The following ARAP2 variants were observed in gnomAD, a reference collection of about 807,000 sequenced individuals.
ARAP2 encodes the protein ArfGAP with RhoGAP domain, ankyrin repeat and PH domain 2, also known as arf-GAP with Rho-GAP domain, ANK repeat and PH domain-containing protein 2.
Under a neutral mutation model 194.5 loss-of-function variants are expected in ARAP2, and 148 were observed. The ratio of observed to expected loss-of-function variants is 0.76; its 90% confidence interval spans 0.67 to 0.87. ARAP2 has a LOEUF of 0.87. ARAP2 is among the 40% of genes least tolerant of loss of function. ARAP2 has a pLI of 0.00. For missense variants in ARAP2, 2,128 were observed against 1,989.7 expected (o/e 1.07, Z -1.32); for synonymous variants, 695 against 683.5 (o/e 1.02, Z -0.26).
chr4:36,065,422 T>A, downstream of ARAP2: 1 of 494,434 alleles, frequency 2.0e-6, no homozygotes, highest in Admixed American at 2.1e-5. Flanking sequence ...AAAAGAGCTC[T>A]GCATGCCACC....
intron 22 of ARAP2, among the ~76,000 whole-genome samples, chr4:36,123,849 C>G (rs1244839680): frequency 6.6e-6 from 1 of 151,482 alleles, no homozygotes; most frequent in African/African-American, 2.4e-5. Flanking sequence ...CAGACATTAT[C>G]CTTCACTCAT....
At chr4:36,138,139 C>A (rs774679247) in intron 19 of ARAP2, among the ~76,000 whole-genome samples, 2 of 151,658 alleles carry the variant, frequency 1.3e-5, no homozygotes, top group African/African-American at 2.4e-5. Context: ...TCAAAGAAGA[C>A]CCTACTTCTC....
At position 36,103,572 on chromosome 4, in the gene ARAP2, A is replaced by G. The variant is rs73806452; in HGVS notation, c.4285+3993T>C. 5.7e-3 allele frequency among the ~76,000 whole-genome samples: 866 copies of G among 151,892 alleles called. 9 individuals carry two copies. The highest frequency in any genetic ancestry group is 0.02 in the African/African-American group (819 of 41,518). On this transcript the variant is annotated intron_variant, in intron 27 of 32. Coordinates refer to ENST00000303965, the MANE Select transcript of ARAP2 (RefSeq NM_015230.4). ...TAATAGTTCAGTCATAATATATGGAATAGAAAAAAATTGAGGACTATTACC... is the reference window on the plus strand; with the variant it reads ...TAATAGTTCAGTCATAATATATGGAGTAGAAAAAAATTGAGGACTATTACC...
chr4:36,224,362 T>A (rs1252756026), intron 2 of ARAP2, among the ~76,000 whole-genome samples: 1 of 150,954 alleles, frequency 6.6e-6, no homozygotes, highest in African/African-American at 2.4e-5. Flanking sequence ...TTTCATAATA[T>A]CTAACTAAAA....
At chr4:36,162,236 C>T (rs1442815187) in intron 11 of ARAP2, among the ~76,000 whole-genome samples, 1 of 151,826 alleles carries the variant, frequency 6.6e-6, no homozygotes, top group African/African-American at 2.4e-5. Context: ...CCACTGAAAA[C>T]CTTTTGTAAA....
chr4:36,018,017 T>C (rs1447392210), intron 6 of ARAP2, among the ~76,000 whole-genome samples: 1 of 152,220 alleles, frequency 6.6e-6, no homozygotes, highest in Non-Finnish European at 1.5e-5. Flanking sequence ...TTGTGTTGAA[T>C]GTATTTACTG....
rs754161727 is a variant in ARAP2, at chr4:36,206,976, T to C, written c.1487+3414A>G. Among the ~76,000 whole-genome samples the C allele has an allele frequency of 5.9e-5, 9 of 152,276 alleles. No individual in the cohort carries two copies. The East Asian group carries it at 9.6e-4, about 16-fold the overall frequency. ...TTTTATAAAGATGCTCTGTGTGTTA[T>C]GCTGAACGCACAAACATCCTTAGAA... On this transcript the variant is annotated intron_variant, in intron 6 of 32. Coordinates refer to ENST00000303965, the MANE Select transcript of ARAP2 (RefSeq NM_015230.4).
chr4:36,220,186 A>C (rs1220367103), intron 2 of ARAP2, among the ~76,000 whole-genome samples: 1 of 152,160 alleles, frequency 6.6e-6, no homozygotes, highest in Admixed American at 6.5e-5. Flanking sequence ...CTGAGCATTT[A>C]CAATATGCCA....
Position 36,229,240 on chromosome 4 carries a change from T to C in ARAP2, c.247A>G (p.Thr83Ala). 1 of 1,614,040 alleles carries C rather than the reference T, an allele frequency of 6.2e-7. No homozygotes were observed. Among genetic ancestry groups the C allele is most frequent in the East Asian group, 2.2e-5 (1 of 44,884 alleles). Reference protein sequence around the residue: ...DIPIYANVHKTKKNDDPSKDY... With the variant: ...DIPIYANVHKAKKNDDPSKDY... Reference sequence around the variant, plus strand: ...TTTGAAGGGTCATCATTCTTCTTAGTTTTATGAACATTTGCATATATTGGA... The same window carrying C: ...TTTGAAGGGTCATCATTCTTCTTAGCTTTATGAACATTTGCATATATTGGA... Residue 83 changes from threonine (T) to alanine (A), a missense_variant, in exon 2 of 33, where the codon ACT becomes GCT. Physicochemically the swap from Thr to Ala is moderately conservative, Grantham distance 58. Transcript: ENST00000303965.
chr4:36,056,042 T>G (rs896079179), intron 2 of ARAP2, among the ~76,000 whole-genome samples: 3 of 152,194 alleles, frequency 2.0e-5, no homozygotes, highest in Non-Finnish European at 4.4e-5. Context: ...CTATTTTTAT[T>G]AGGTACTTGA....
intron 26 of ARAP2, among the ~76,000 whole-genome samples, chr4:36,111,422 T>A (rs1465279598): frequency 6.6e-6 from 1 of 151,906 alleles, no homozygotes; most frequent in African/African-American, 2.4e-5. Flanking sequence ...TCTGGGAGGT[T>A]TTCCCTTACT....
intron 9 of ARAP2, among the ~76,000 whole-genome samples, chr4:36,170,670 T>G (rs539341179): frequency 6.6e-6 from 1 of 152,300 alleles, no homozygotes; most frequent in Non-Finnish European, 1.5e-5. Flanking sequence ...ATAATTGGTT[T>G]AATATCTATC....
intron 19 of ARAP2, among the ~76,000 whole-genome samples, chr4:36,144,762 G>A (rs1185997124): frequency 1.3e-5 from 2 of 151,688 alleles, no homozygotes; most frequent in Non-Finnish European, 2.9e-5. Flanking sequence ...GTTAAACATT[G>A]AACAAGATAA....
At chr4:36,058,893 G>C (rs1440793875) in intron 1 of ARAP2, among the ~76,000 whole-genome samples, 3 of 152,310 alleles carry the variant, frequency 2.0e-5, no homozygotes, top group Admixed American at 2.0e-4. Flanking sequence ...AGATGATGAT[G>C]CCACTTCATA....
At chr4:36,183,686 T>A (rs1209844977) in intron 8 of ARAP2, among the ~76,000 whole-genome samples, 1 of 152,234 alleles carries the variant, frequency 6.6e-6, no homozygotes, top group African/African-American at 2.4e-5. Flanking sequence ...AGACTTAATT[T>A]CGTACTTTGG....
At chr4:36,062,662 GTA>G (rs1491344800), downstream of ARAP2, among the ~76,000 whole-genome samples, 13 of 146,354 alleles carry the variant, frequency 8.9e-5, no homozygotes, top group South Asian at 4.5e-4. Context: ...GTGTGTGTGT[GTA>G]TAAAACAGTT....
chr4:36,114,909 CT>C (rs1331372996), intron 25 of ARAP2, among the ~76,000 whole-genome samples: 2 of 152,120 alleles, frequency 1.3e-5, no homozygotes, highest in East Asian at 3.9e-4. Context: ...TCTTCAGGGA[CT>C]TTTGGAATTT....
At chr4:36,244,543 C>T (rs1754299903), upstream of ARAP2, 1 of 151,488 alleles carries the variant, frequency 6.6e-6, no homozygotes. Flanking sequence ...GAGCAGGCGC[C>T]CCGCGCGGGG....
intron 5 of ARAP2, among the ~76,000 whole-genome samples, chr4:36,035,438 C>T (rs1374628231): frequency 6.6e-6 from 1 of 152,002 alleles, no homozygotes; most frequent in Non-Finnish European, 1.5e-5. Context: ...AATTGTATAT[C>T]TTCTGTTTTT....
Sources: gnomAD v4.1 joint callset for allele counts (sites outside exome capture counted in the v4.1 genomes callset) on GRCh38, gnomAD v4.1.1 for gene constraint, MANE v1.5 for transcripts, NCBI Gene and HGNC (gene_info 2026-07-23, HGNC 2026-07-21) for gene names.